The following KMT2C variants were observed in gnomAD, a reference collection of about 807,000 sequenced individuals.
The protein encoded by KMT2C is lysine methyltransferase 2C, also known as histone-lysine N-methyltransferase 2C.
KMT2C carries 88 observed loss-of-function variants against 507.9 expected under a neutral mutation model. The ratio of observed to expected loss-of-function variants is 0.17; its 90% CI spans 0.15 to 0.21. The LOEUF (loss-of-function observed/expected upper bound fraction) is 0.21. KMT2C is among the 10% of genes least tolerant of loss of function. The pLI, the probability that KMT2C is intolerant of heterozygous loss-of-function variation, is 1.00. For missense variants in KMT2C, 4,954 were observed against 5,957.8 expected, an observed-to-expected ratio of 0.83 and a Z score of 5.55; for synonymous variants, 2,049 against 2,080.8, an observed-to-expected ratio of 0.98 and a Z score of 0.42.
intron 14 of KMT2C, among the ~76,000 whole-genome samples, chr7:152,243,473 T>C (rs1363206185): frequency 1.3e-5 from 2 of 152,224 alleles, no homozygotes; most frequent in African/African-American, 4.8e-5. Context: ...TTTTCATTTA[T>C]GAAATTTTCT....
chr7:152,154,336 C>T lies in KMT2C; in HGVS notation c.12070G>A (p.Val4024Ile). The part of the protein sequence containing the change: ...EVSRYPDLSL[V>I]KEEPPEPVPS... The stretch of plus-strand genomic sequence containing the variant: ...ACCGGTTCTGGAGGCTCCTCCTTGA[C>T]CAATGACAGATCTGGATACCTGCTC... The change falls in exon 47 of 59, where the codon GTC becomes ATC. Residue 4024 changes from valine (V) to isoleucine (I), a missense_variant. Physicochemically the swap from Val to Ile is conservative, Grantham distance 29. This residue lies in a region of KMT2C where 417 missense variants were observed against 461.1 expected (regional missense o/e 0.90). Coordinates refer to ENST00000262189, the MANE Select transcript of KMT2C (RefSeq NM_170606.3). 6.2e-7 allele frequency: 1 copy of T among 1,614,178 alleles called. No homozygotes were observed.
chr7:152,187,555 A>C (rs1348912418), intron 32 of KMT2C, 79 bp from the exon 33 acceptor site: 3 of 1,443,904 alleles, frequency 2.1e-6, no homozygotes, highest in Admixed American at 1.9e-5. Flanking sequence ...TTTCATTAAA[A>C]CCTATTACAA....
At position 152,163,516 on chromosome 7, in the gene KMT2C, G is replaced by A. The variant is rs2129104533; in HGVS notation, c.10061C>T (p.Pro3354Leu). 6.2e-7 allele frequency: 1 copy of A among 1,613,438 alleles called. No homozygotes were observed. The highest frequency in any genetic ancestry group is 1.1e-5 in the South Asian group (1 of 91,030). Reference protein sequence around the residue: ...LPLNPPRIQPPIAQLPIKTCT... With the variant: ...LPLNPPRIQPLIAQLPIKTCT... ...AGTTTTTATTGGTAACTGGGCAATT[G>A]GGGGCTGAATTCTAGGAGGATTGAG... The change falls in exon 43 of 59, where the codon CCA (proline) becomes CTA (leucine). Residue 3354 changes from proline (P) to leucine (L), a missense_variant. Physicochemically the swap from Pro to Leu is moderately conservative, Grantham distance 98. Transcript: ENST00000262189.
intron 2 of KMT2C, among the ~76,000 whole-genome samples, chr7:152,336,724 G>A (rs1235343367): frequency 5.9e-5 from 9 of 152,142 alleles, no homozygotes; most frequent in Non-Finnish European, 5.9e-5. Flanking sequence ...GTGGAAATTG[G>A]AGCAGACATT....
chr7:152,308,768 G>C (rs1216633763), intron 6 of KMT2C, among the ~76,000 whole-genome samples: 3 of 151,062 alleles, frequency 2.0e-5, no homozygotes, highest in Non-Finnish European at 4.4e-5. Context: ...GAGAAGAGAG[G>C]ATCCCTTGGG....
At chr7:152,384,044 C>CTGTGTGTGTGTGTGTGTG (rs560853000) in intron 1 of KMT2C, among the ~76,000 whole-genome samples, 7 of 149,780 alleles carry the variant, frequency 4.7e-5, no homozygotes, top group African/African-American at 1.8e-4. Context: ...ACATGTGTGT[C>CTGTGTGTGTGTGTGTGTG]TGTGTGTGTG....
chr7:152,341,061 T>C (rs771141644), intron 2 of KMT2C, among the ~76,000 whole-genome samples: 58 of 152,202 alleles, frequency 3.8e-4, no homozygotes, highest in Non-Finnish European at 6.9e-4. Flanking sequence ...ACAACATACA[T>C]CTTTATAACA....
rs990799115 is a variant in KMT2C at position 152,185,447 on chromosome 7, G to A, written c.5082+111C>T. 2.6e-5 allele frequency: 19 copies of A among 721,062 alleles called. No individual in the cohort carries two copies. In the Admixed American group the frequency reaches 2.8e-4, roughly 11 times the overall value. 44.7% of individuals were successfully genotyped at this position (721,062 alleles called of 1,614,324 possible). On this transcript the variant is annotated intron_variant, in intron 34 of 58. Coordinates refer to ENST00000262189, the MANE Select transcript of KMT2C (RefSeq NM_170606.3). ...AAAAATAAAGTTGCTTGTTGTACAG[G>A]TACTAACAAGCATTTTCTGAAATGG...
intron 6 of KMT2C, 69 bp downstream of exon 6, chr7:152,309,897 T>G: frequency 1.0e-6 from 1 of 975,454 alleles, no homozygotes; most frequent in Non-Finnish European, 1.6e-6. Context: ...TAATAATCCT[T>G]TCAAGTGAAC....
At chr7:152,214,023 C>A (rs541969660) in intron 23 of KMT2C, among the ~76,000 whole-genome samples, 31 of 152,188 alleles carry the variant, frequency 2.0e-4, no homozygotes, top group African/African-American at 7.2e-4. Context: ...CAATAGATAT[C>A]ATCTCATGTC....
chr7:152,353,171 T>A (rs2097127118), intron 2 of KMT2C, among the ~76,000 whole-genome samples: 1 of 152,146 alleles, frequency 6.6e-6, no homozygotes, highest in African/African-American at 2.4e-5. Flanking sequence ...ATGCCCGTAA[T>A]CCCACCACTT....
chr7:152,147,302 T>C (rs2091201215), intron 52 of KMT2C, among the ~76,000 whole-genome samples: 1 of 152,142 alleles, frequency 6.6e-6, no homozygotes, highest in African/African-American at 2.4e-5. Context: ...ACTTACGTAA[T>C]ATCTGATGTT....
At chr7:152,361,240 G>A (rs936782563) in intron 1 of KMT2C, among the ~76,000 whole-genome samples, 1 of 152,084 alleles carries the variant, frequency 6.6e-6, no homozygotes, top group Non-Finnish European at 1.5e-5. Flanking sequence ...TGGACAAAAA[G>A]AAAGAACATC....
In KMT2C at chr7:152,135,120, G is replaced by C. The variant is rs2089774997; in HGVS notation, c.*1712C>G. 4.4e-6 allele frequency: 1 copy of C among 225,872 alleles called. No homozygotes were observed. The highest frequency in any genetic ancestry group is 1.8e-4 in the South Asian group (1 of 5,458). The allele number at this position is 225,872 out of a possible 1,614,324, so 14.0% of individuals were successfully genotyped here. A position where few individuals can be genotyped will look rare whatever the true frequency, so the allele number is the denominator to read the frequency against. On this transcript the variant is annotated 3_prime_UTR_variant, in exon 59 of 59. Transcript: ENST00000262189. ...GATGTCAGGATATTGTACAAGAGAA[G>C]AAAAATATTCAGGAAACAAATTTCA...
At chr7:152,209,742 TTAA>T (rs2094409207) in intron 23 of KMT2C, among the ~76,000 whole-genome samples, 1 of 142,378 alleles carries the variant, frequency 7.0e-6, no homozygotes, top group African/African-American at 2.7e-5. Context: ...CCAATCTCCT[TTAA>T]AAAAAAAAAA....
intron 9 of KMT2C, among the ~76,000 whole-genome samples, chr7:152,258,497 G>T (rs2095699638): frequency 6.6e-6 from 1 of 151,728 alleles, no homozygotes; most frequent in South Asian, 2.1e-4. Flanking sequence ...CAGGCAGTAA[G>T]TTTGTTGTTG....
rs1189699289 is a variant in KMT2C at position 152,248,717 on chromosome 7, A to G, written c.1814-97T>C. ...AACATTTGGCTACACTAGAACTTAA[A>G]TCAGAAGGTATTCATCAAAGCAGAC... On this transcript the variant is annotated intron_variant, in intron 13 of 58. Transcript: ENST00000262189. 6.0e-6 allele frequency: 4 copies of G among 664,642 alleles called. No individual in the cohort carries two copies. The East Asian group carries it at 1.1e-4, about 18-fold the overall frequency. 41.2% of individuals were successfully genotyped at this position (664,642 alleles called of 1,614,324 possible).
chr7:152,224,272 G>C lies in KMT2C; in HGVS notation c.3159-93C>G, dbSNP rs4024365. The C allele has an allele frequency of 3.7e-6, 5 of 1,345,056 alleles. No homozygotes were observed. In the East Asian group the frequency reaches 9.3e-5, roughly 25 times the overall value. 83.3% of individuals were successfully genotyped at this position (1,345,056 alleles called of 1,614,324 possible). A position where few individuals can be genotyped will look rare whatever the true frequency, so the allele number is the denominator to read the frequency against. On this transcript the variant is annotated intron_variant, in intron 19 of 58. Coordinates refer to ENST00000262189, the MANE Select transcript of KMT2C (RefSeq NM_170606.3). The stretch of plus-strand genomic sequence containing the variant: ...GAAGCTACATACGAACATAATGGGG[G>C]AAATGATTTAATGTGTATGTGAAAA...
At chr7:152,368,309 A>T in intron 1 of KMT2C, 1 of 1,186,700 alleles carries the variant, frequency 8.4e-7, no homozygotes, top group Non-Finnish European at 1.2e-6. Flanking sequence ...GTGACTTATA[A>T]TGGAGTTGAT....
Sources: allele counts gnomAD v4.1 joint callset (sites outside exome capture counted in the v4.1 genomes callset), GRCh38; gene constraint gnomAD v4.1.1; regional missense constraint gnomAD v4.1.1; transcripts MANE v1.5; gene names NCBI Gene and HGNC (gene_info 2026-07-23, HGNC 2026-07-21).